DIAPH2: variants seen among roughly 807,000 people sequenced by gnomAD.
DIAPH2 encodes protein diaphanous homolog 2.
In DIAPH2, 35 loss-of-function variants were observed where a neutral mutation model predicts 92.7. That is an observed-to-expected ratio of 0.38 (90% CI 0.29 to 0.50). The LOEUF is 0.50. Among genes scored for constraint, DIAPH2 ranks in the 20% least tolerant of loss-of-function variants. The pLI, the probability that DIAPH2 is intolerant of heterozygous loss-of-function variation, is 0.94. For missense variants in DIAPH2, 701 were observed against 819.5 expected, an observed-to-expected ratio of 0.86 and a Z score of 1.77; for synonymous variants, 301 against 280.4, an observed-to-expected ratio of 1.07 and a Z score of -0.73.
chrX:96,985,160 A>C (rs1212679640), intron 17 of DIAPH2, among the ~76,000 whole-genome samples: 1 of 111,417 alleles, frequency 9.0e-6, no homozygotes, highest in East Asian at 2.8e-4. Flanking sequence ...GTAGAACTGT[A>C]GTCTTATTTC....
At chrX:97,115,600 G>T (rs1040553192) in intron 21 of DIAPH2, among the ~76,000 whole-genome samples, 3 of 111,147 alleles carry the variant, frequency 2.7e-5, no homozygotes, top group African/African-American at 9.8e-5. Flanking sequence ...TACTTATATC[G>T]TTCTAAAAAG....
At chrX:97,181,756 C>T (rs900858985) in intron 22 of DIAPH2, among the ~76,000 whole-genome samples, 1 of 112,420 alleles carries the variant, frequency 8.9e-6, no homozygotes, top group Non-Finnish European at 1.9e-5. Context: ...CATCCTCATT[C>T]CAGTCCTAGT....
intron 4 of DIAPH2, among the ~76,000 whole-genome samples, chrX:96,843,730 C>T (rs2064952678): frequency 8.9e-6 from 1 of 111,941 alleles, no homozygotes; most frequent in African/African-American, 3.2e-5. Context: ...CCAGCTCCTC[C>T]CTGCGGCAAA....
At chrX:96,718,345 T>TG (rs1215482661) in intron 1 of DIAPH2, among the ~76,000 whole-genome samples, 2 of 50,860 alleles carry the variant, frequency 3.9e-5, no homozygotes, top group African/African-American at 6.8e-5. Context: ...TGTTTTTTTT[T>TG]TTTTTTTTTT....
chrX:96,826,918 G>A (rs1252603100), intron 4 of DIAPH2, among the ~76,000 whole-genome samples: 1 of 111,289 alleles, frequency 9.0e-6, no homozygotes, highest in Non-Finnish European at 1.9e-5. Flanking sequence ...GGAAAGGGCA[G>A]GGTCTTACCC....
At chrX:97,421,616 A>G (rs946218799) in intron 25 of DIAPH2, among the ~76,000 whole-genome samples, 9 of 112,141 alleles carry the variant, frequency 8.0e-5, no homozygotes, top group African/African-American at 2.9e-4. Context: ...CAAATTGGCC[A>G]TCTGACTGTA....
intron 26 of DIAPH2, among the ~76,000 whole-genome samples, chrX:97,505,498 C>T (rs2070825982): frequency 8.9e-6 from 1 of 111,816 alleles, no homozygotes; most frequent in Non-Finnish European, 1.9e-5. Context: ...AAATGAGCAA[C>T]CTGGAGTTTG....
rs192795260 is a variant in DIAPH2, at chrX:97,522,067, C to T, written c.3242-77186C>T. Among the ~76,000 whole-genome samples, 21 of 111,895 alleles carry T rather than the reference C, an allele frequency of 1.9e-4. No homozygotes were observed. The East Asian group carries it at 3.9e-3, about 21-fold the overall frequency. ...GGTGAAAATGAGGTTAAAGAACATT[C>T]GCTAACTCCTTCCTTTTACATAAAC... is the stretch of plus-strand genomic sequence containing the variant. On this transcript the variant is annotated intron_variant, in intron 26 of 26. Coordinates refer to ENST00000324765, the MANE Select transcript of DIAPH2 (RefSeq NM_006729.5).
intron 1 of DIAPH2, among the ~76,000 whole-genome samples, chrX:96,687,498 G>A (rs2063777456): frequency 9.3e-6 from 1 of 107,706 alleles, no homozygotes; most frequent in Admixed American, 9.9e-5. Context: ...GGAGTCCAGT[G>A]GCGCGATCTT....
At chrX:97,217,805 G>A (rs1236409102) in intron 22 of DIAPH2, among the ~76,000 whole-genome samples, 1 of 110,117 alleles carries the variant, frequency 9.1e-6, no homozygotes, top group Non-Finnish European at 1.9e-5. Flanking sequence ...AATTAGCTAG[G>A]CATGGTGGCA....
chrX:97,310,433 ATG>A (rs1215875778), intron 23 of DIAPH2, among the ~76,000 whole-genome samples: 3 of 111,965 alleles, frequency 2.7e-5, no homozygotes, highest in Non-Finnish European at 5.6e-5. Context: ...GTTTGGTGGT[ATG>A]TTCGTATTTT....
At chrX:96,882,185 G>C (rs1227505018) in intron 5 of DIAPH2, among the ~76,000 whole-genome samples, 1 of 109,134 alleles carries the variant, frequency 9.2e-6, no homozygotes, top group Admixed American at 9.9e-5. Flanking sequence ...TGAGTAGCTG[G>C]GACTACAGGC....
At chrX:96,746,565 T>C (rs1287873871) in intron 3 of DIAPH2, among the ~76,000 whole-genome samples, 1 of 110,826 alleles carries the variant, frequency 9.0e-6, no homozygotes, top group Non-Finnish European at 1.9e-5. Flanking sequence ...TGTTTGTTTG[T>C]TTTTTCGAGA....
chrX:97,437,257 T>C (rs1286839325), intron 26 of DIAPH2, among the ~76,000 whole-genome samples: 1 of 112,255 alleles, frequency 8.9e-6, no homozygotes, highest in African/African-American at 3.2e-5. Context: ...CAGAATCTTA[T>C]ACTACCACAC....
chrX:97,046,693 AG>A (rs1422896751), intron 17 of DIAPH2, among the ~76,000 whole-genome samples: 6 of 111,997 alleles, frequency 5.4e-5, no homozygotes, highest in African/African-American at 1.9e-4. Context: ...AGAAGCATTA[AG>A]GGGAAAGTGC....
intron 26 of DIAPH2, among the ~76,000 whole-genome samples, chrX:97,439,739 T>A (rs1366936334): frequency 1.3e-5 from 1 of 77,667 alleles, no homozygotes; most frequent in Non-Finnish European, 2.3e-5. Context: ...AGAGCCAGAC[T>A]CTGTCTCAAA....
chrX:97,310,847 A>C (rs1010477527), intron 23 of DIAPH2, among the ~76,000 whole-genome samples: 1 of 110,824 alleles, frequency 9.0e-6, no homozygotes, highest in Non-Finnish European at 1.9e-5. Flanking sequence ...CATCTCTACC[A>C]AAAAATATAA....
intron 24 of DIAPH2, among the ~76,000 whole-genome samples, chrX:97,350,450 C>G (rs772946758): frequency 9.9e-5 from 11 of 111,309 alleles, no homozygotes; most frequent in Non-Finnish European, 1.7e-4. Context: ...TACTTGCCCC[C>G]CCATGTTGCA....
chrX:97,582,608 T>C (rs2071448214), intron 26 of DIAPH2, among the ~76,000 whole-genome samples: 1 of 108,439 alleles, frequency 9.2e-6, no homozygotes. Flanking sequence ...GCCCTTAACA[T>C]TTTTTCCTTC....
Sources: gnomAD v4.1 joint callset for allele counts (sites outside exome capture counted in the v4.1 genomes callset) on GRCh38, gnomAD v4.1.1 for gene constraint, MANE v1.5 for transcripts, NCBI Gene and HGNC (gene_info 2026-07-23, HGNC 2026-07-21) for gene names.